The following TASP1 variants were observed in gnomAD, a reference collection of about 807,000 sequenced individuals.
TASP1 encodes taspase 1.
TASP1 carries 16 observed loss-of-function variants against 56.6 expected under a neutral mutation model. The ratio of observed to expected loss-of-function variants is 0.28; its 90% CI spans 0.19 to 0.43. TASP1 has a LOEUF of 0.43. Ranked by LOEUF, TASP1 falls within the 20% of genes least tolerant of loss-of-function variation. The probability of loss-of-function intolerance (pLI) is 1.00; values close to 1 mark genes in which losing one functional copy is unlikely to be tolerated. For missense variants in TASP1, 393 were observed against 511.6 expected (o/e 0.77, Z 2.24); for synonymous variants, 179 against 184.2 (o/e 0.97, Z 0.23).
intron 11 of TASP1, among the ~76,000 whole-genome samples, chr20:13,468,202 A>AAAAG (rs2044339039): frequency 1.2e-5 from 1 of 84,578 alleles, no homozygotes; most frequent in African/African-American, 4.0e-5. Flanking sequence ...CTTGCTACTT[A>AAAAG]AAACAAACAA....
In TASP1 at chr20:13,521,699, T is replaced by C. The variant is rs186213273; in HGVS notation, c.874+6734A>G. ...TAATGTTAAATGACGAGTTAATGGG[T>C]GCAGCACACCAACATGGCACATGTA... On this transcript the variant is annotated intron_variant, in intron 10 of 13. Coordinates refer to ENST00000337743, the MANE Select transcript of TASP1 (RefSeq NM_017714.3). Among the ~76,000 whole-genome samples, 952 of 151,842 alleles carry C rather than the reference T, an allele frequency of 6.3e-3. 12 individuals carry two copies. The highest frequency in any genetic ancestry group is 0.022 in the African/African-American group (913 of 41,360).
intron 7 of TASP1, among the ~76,000 whole-genome samples, chr20:13,568,439 T>A (rs1034746825): frequency 6.6e-6 from 1 of 152,218 alleles, no homozygotes; most frequent in Non-Finnish European, 1.5e-5. Context: ...ATAGTGTTTT[T>A]AATATTTCTT....
the TASP1 span, among the ~76,000 whole-genome samples, chr20:13,312,748 T>C: frequency 1.3e-5 from 2 of 152,122 alleles, no homozygotes; most frequent in South Asian, 2.1e-4. Flanking sequence ...CTCTGGGAAA[T>C]CATCACACTT....
the TASP1 span, among the ~76,000 whole-genome samples, chr20:13,225,920 C>G: frequency 6.6e-6 from 1 of 151,982 alleles, no homozygotes; most frequent in Non-Finnish European, 1.5e-5. Flanking sequence ...ATCTGGAAGA[C>G]AAAATATAGA....
chr20:13,523,183 G>C (rs956018083), intron 10 of TASP1, among the ~76,000 whole-genome samples: 1 of 151,976 alleles, frequency 6.6e-6, no homozygotes, highest in South Asian at 2.1e-4. Flanking sequence ...ATGGGGAGAG[G>C]GCTAGAAGGA....
chr20:13,367,092 A>C, the TASP1 span, among the ~76,000 whole-genome samples: 1 of 152,218 alleles, frequency 6.6e-6, no homozygotes, highest in African/African-American at 2.4e-5. Flanking sequence ...ATAAATATTT[A>C]GCTAGGCAAT....
At chr20:13,323,591 T>G in the TASP1 span, among the ~76,000 whole-genome samples, 2,346 of 152,316 alleles carry the variant, frequency 0.015, 58 homozygotes, top group African/African-American at 0.054. Flanking sequence ...AGGCAACATA[T>G]AGTATCTCAT....
chr20:13,612,494 A>G (rs1368337129), intron 4 of TASP1, among the ~76,000 whole-genome samples: 1 of 127,490 alleles, frequency 7.8e-6, no homozygotes, highest in African/African-American at 3.4e-5. Context: ...TGTAGCAAAC[A>G]CACACACACA....
At chr20:13,482,116 T>C (rs141863603) in intron 11 of TASP1, among the ~76,000 whole-genome samples, 3,266 of 152,252 alleles carry the variant, frequency 0.021, 103 homozygotes, top group African/African-American at 0.074. Context: ...GACAGGAGTC[T>C]AGTTTCATTC....
intron 13 of TASP1, among the ~76,000 whole-genome samples, chr20:13,415,142 C>G (rs2146048069): frequency 6.6e-6 from 1 of 152,266 alleles, no homozygotes; most frequent in Non-Finnish European, 1.5e-5. Flanking sequence ...TACCACGGCT[C>G]TCAACATTAT....
chr20:13,588,529 G>A lies in TASP1; in HGVS notation c.283-1159C>T, dbSNP rs569369408. On this transcript the variant is annotated intron_variant, in intron 4 of 13. Transcript: ENST00000337743. ...ATCAATTGGATTTTTATATATTAGC[G>A]ATAAACAATCTAAAAATGAAATCAA... Among the ~76,000 whole-genome samples the A allele has an allele frequency of 5.9e-5, 9 of 152,026 alleles. No individual in the cohort carries two copies. The South Asian group carries it at 1.7e-3, about 28-fold the overall frequency.
chr20:13,321,253 TAAAAAA>T, the TASP1 span, among the ~76,000 whole-genome samples: 7 of 57,510 alleles, frequency 1.2e-4, no homozygotes, highest in South Asian at 7.4e-4. Flanking sequence ...GTGCCCCACA[TAAAAAA>T]AAAAAAAAAA....
At chr20:13,240,643 T>C in the TASP1 span, among the ~76,000 whole-genome samples, 1 of 152,188 alleles carries the variant, frequency 6.6e-6, no homozygotes, top group African/African-American at 2.4e-5. Context: ...GAAGCAGCCA[T>C]TGAAGAGCTT....
At chr20:13,493,300 G>A (rs970633694) in intron 10 of TASP1, among the ~76,000 whole-genome samples, 1 of 152,182 alleles carries the variant, frequency 6.6e-6, no homozygotes, top group African/African-American at 2.4e-5. Flanking sequence ...CTGTGAGGGT[G>A]CTGCCAGAGG....
the TASP1 span, among the ~76,000 whole-genome samples, chr20:13,181,453 CT>C: frequency 6.6e-6 from 1 of 152,150 alleles, no homozygotes; most frequent in African/African-American, 2.4e-5. Context: ...GAAGACAGCT[CT>C]TTTCTTTTCA....
At chr20:13,187,626 T>C in the TASP1 span, among the ~76,000 whole-genome samples, 1 of 150,388 alleles carries the variant, frequency 6.6e-6, no homozygotes, top group Non-Finnish European at 1.5e-5. Context: ...CGCACACCTG[T>C]AGTCCCAGCT....
At chr20:13,595,161 C>T (rs2047681262) in intron 4 of TASP1, among the ~76,000 whole-genome samples, 2 of 152,170 alleles carry the variant, frequency 1.3e-5, no homozygotes, top group Admixed American at 6.5e-5. Context: ...AAATCCTTTA[C>T]AGACAAGCAA....
At chr20:13,423,163 A>G (rs184738368) in intron 12 of TASP1, among the ~76,000 whole-genome samples, 19 of 152,368 alleles carry the variant, frequency 1.2e-4, no homozygotes, top group African/African-American at 4.6e-4. Context: ...TATACAATGA[A>G]ATACTATGTA....
chr20:13,351,188 A>G, the TASP1 span, among the ~76,000 whole-genome samples: 10 of 152,350 alleles, frequency 6.6e-5, 1 homozygote, highest in Admixed American at 6.5e-4. Flanking sequence ...AAGTTTTGAC[A>G]AACATGCAGA....
Sources: gnomAD v4.1 joint callset for allele counts (sites outside exome capture counted in the v4.1 genomes callset) on GRCh38, gnomAD v4.1.1 for gene constraint, MANE v1.5 for transcripts, NCBI Gene and HGNC (gene_info 2026-07-23, HGNC 2026-07-21) for gene names.